COL4A1: variants seen among roughly 807,000 people sequenced by gnomAD.
COL4A1 encodes the protein collagen alpha-1(IV) chain.
In COL4A1, 40 loss-of-function variants were observed where a neutral mutation model predicts 216.6. The observed-to-expected ratio is 0.18, with a 90% CI of 0.14 to 0.24. The LOEUF (loss-of-function observed/expected upper bound fraction) is 0.24. Ranked by LOEUF, COL4A1 falls within the 10% of genes least tolerant of loss-of-function variation. COL4A1 has a pLI of 1.00. For missense variants in COL4A1, 1,628 were observed against 2,196.8 expected, an observed-to-expected ratio of 0.74 and a Z score of 5.18; for synonymous variants, 839 against 810.7, an observed-to-expected ratio of 1.03 and a Z score of -0.59.
chr13:110,262,984 A>C (rs202118448), intron 1 of COL4A1, among the ~76,000 whole-genome samples: 2 of 152,332 alleles, frequency 1.3e-5, no homozygotes, highest in East Asian at 3.9e-4. Flanking sequence ...AGAGTTGGAC[A>C]CCATAAATTG....
chr13:110,251,330 G>C (rs1882063544), intron 1 of COL4A1, among the ~76,000 whole-genome samples: 1 of 152,240 alleles, frequency 6.6e-6, no homozygotes, highest in African/African-American at 2.4e-5. Flanking sequence ...ACAGCCCCAA[G>C]GCCCCATGCC....
Position 110,174,781 on chromosome 13 carries a change from C to T in COL4A1, c.3199-32G>A, listed in dbSNP as rs9583464. On this transcript the variant is annotated intron_variant, in intron 37 of 51. Transcript: ENST00000375820. The stretch of plus-strand genomic sequence containing the variant: ...GTAAAAGTCAGGCATATTAACTTTA[C>T]ATTTGTCCATGGGCATGCATCTGTA... The T allele has an allele frequency of 5.9e-5, 94 of 1,605,636 alleles. No homozygotes were observed. In the Admixed American group the frequency reaches 7.2e-4, roughly 12 times the overall value.
At chr13:110,265,775 C>G (rs563998881) in intron 1 of COL4A1, 2 of 152,166 alleles carry the variant, frequency 1.3e-5, no homozygotes, top group Non-Finnish European at 2.9e-5. Context: ...GGGAGCTGCC[C>G]GTAGAATACA....
rs1877130444 is a variant in COL4A1, at chr13:110,162,453, G to A, written c.4250-11C>T. 4.4e-6 allele frequency: 7 copies of A among 1,605,166 alleles called. 1 individual carries two copies. The South Asian group carries it at 7.7e-5, about 18-fold the overall frequency. On this transcript the variant is annotated splice_polypyrimidine_tract_variant and intron_variant, in intron 47 of 51. Transcript: ENST00000375820. Reference sequence around the variant, plus strand: ...GAAATCCTCTTGGACCTGGAAGATAGGAGACAAATTAGTTTCCCTAATTAC... The same window carrying A: ...GAAATCCTCTTGGACCTGGAAGATAAGAGACAAATTAGTTTCCCTAATTAC...
chr13:110,286,156 A>C (rs1883837303), intron 1 of COL4A1, among the ~76,000 whole-genome samples: 1 of 152,194 alleles, frequency 6.6e-6, no homozygotes, highest in Admixed American at 6.5e-5. Flanking sequence ...TACTGACAAG[A>C]CCAAGAACGA....
chr13:110,265,913 C>G (rs984718086), intron 1 of COL4A1: 1 of 152,318 alleles, frequency 6.6e-6, no homozygotes, highest in Admixed American at 6.5e-5. Context: ...TGCGCATCTC[C>G]CCAGACTCCA....
chr13:110,158,177 G>A (rs569677964), intron 49 of COL4A1, among the ~76,000 whole-genome samples: 30 of 152,112 alleles, frequency 2.0e-4, no homozygotes, highest in African/African-American at 7.2e-4. Flanking sequence ...TGCCATTCTG[G>A]AAGTGTAATG....
At position 110,192,247 on chromosome 13, in the gene COL4A1, A is replaced by T. The variant is rs1378977057; in HGVS notation, c.1503T>A (p.Gly501=). 2 of 1,614,140 alleles carry T rather than the reference A, an allele frequency of 1.2e-6. No individual in the cohort carries two copies. The highest frequency in any genetic ancestry group is 1.7e-6 in the Non-Finnish European group (2 of 1,180,024). Residue 501 remains glycine (G), a synonymous_variant, in exon 24 of 52, where the codon GGT becomes GGA. Coordinates refer to ENST00000375820, the MANE Select transcript of COL4A1 (RefSeq NM_001845.6). ...CTGCAACACCATCTCTGCCAGGCAA[A>T]CCTCTGTCGCCCTTGGCCCCTGGCT... is the stretch of plus-strand genomic sequence containing the variant. ...PGQPGAKGDR[G]LPGRDGVAGV... is the part of the protein sequence containing the mutation.
At chr13:110,214,248 G>A (rs1375237365) in intron 2 of COL4A1, among the ~76,000 whole-genome samples, 3 of 151,944 alleles carry the variant, frequency 2.0e-5, no homozygotes, top group South Asian at 2.1e-4. Context: ...GCGCCACCAC[G>A]CTGGCTAATT....
intron 24 of COL4A1, among the ~76,000 whole-genome samples, chr13:110,188,986 AT>A (rs1314211345): frequency 7.0e-6 from 1 of 141,872 alleles, no homozygotes; most frequent in African/African-American, 2.5e-5. Context: ...GGAAAGTTAA[AT>A]TAAATAACAC....
intron 1 of COL4A1, among the ~76,000 whole-genome samples, chr13:110,296,802 C>T (rs1456705805): frequency 6.6e-6 from 1 of 152,228 alleles, no homozygotes; most frequent in Non-Finnish European, 1.5e-5. Flanking sequence ...TTTCCATGAA[C>T]CCCTCCTGGG....
Position 110,183,297 on chromosome 13 carries a change from A to C in COL4A1, c.1898-21T>G, listed in dbSNP as rs774957486. The C allele has an allele frequency of 2.5e-6, 4 of 1,606,428 alleles. No homozygotes were observed. In the Admixed American group the frequency reaches 6.7e-5, roughly 27 times the overall value. ...TGGACCTAGAGGAAAAAAAGAGCAA[A>C]GACAAACGATGAAGGAATGAGGACC... On this transcript the variant is annotated intron_variant, in intron 26 of 51. Coordinates refer to ENST00000375820, the MANE Select transcript of COL4A1 (RefSeq NM_001845.6).
At chr13:110,243,796 C>T (rs1881669385) in intron 1 of COL4A1, among the ~76,000 whole-genome samples, 1 of 152,210 alleles carries the variant, frequency 6.6e-6, no homozygotes, top group South Asian at 2.1e-4. Context: ...ATAGGTAGTG[C>T]CATCCCCATT....
chr13:110,172,674 C>A, intron 41 of COL4A1, 46 bp downstream of exon 41: 1 of 1,573,276 alleles, frequency 6.4e-7, no homozygotes. Flanking sequence ...GCTAATCAGG[C>A]AGCAGCGGTT....
intron 1 of COL4A1, among the ~76,000 whole-genome samples, chr13:110,288,859 C>T (rs1358650381): frequency 2.6e-5 from 4 of 152,128 alleles, no homozygotes; most frequent in African/African-American, 9.7e-5. Context: ...TGGTGAAACC[C>T]TATCTCTACT....
chr13:110,157,275 G>A (rs540372036), intron 49 of COL4A1, among the ~76,000 whole-genome samples: 26 of 152,342 alleles, frequency 1.7e-4, no homozygotes, highest in African/African-American at 5.5e-4. Flanking sequence ...TATTTATTTC[G>A]TGAGTCTTGT....
In COL4A1 at chr13:110,186,375, C is replaced by T. The variant is rs1296685852; in HGVS notation, c.1897+10G>A. The T allele has an allele frequency of 1.9e-6, 3 of 1,612,804 alleles. No individual in the cohort carries two copies. The Admixed American group carries it at 5.0e-5, about 27-fold the overall frequency. ...ACTTCATGCTGCATCACGAGTTTCT[C>T]AGGCCTCACCTGGCAGGCCTGGGGA... On this transcript the variant is annotated intron_variant, in intron 26 of 51. Transcript: ENST00000375820.
intron 24 of COL4A1, among the ~76,000 whole-genome samples, chr13:110,189,472 C>A (rs1455051217): frequency 6.6e-6 from 1 of 152,198 alleles, no homozygotes; most frequent in Non-Finnish European, 1.5e-5. Flanking sequence ...TGGACGACTA[C>A]CAGTGGTCTG....
rs759232482 is a variant in COL4A1, at chr13:110,162,322, T to G, written c.4370A>C (p.Asp1457Ala). The stretch of plus-strand genomic sequence containing the variant: ...TTTGGTCCCAGAAGGACACTGTGGG[T>G]CATCTATTGTTTGACTATGCCTGGT... ...LVTRHSQTID[D>A]PQCPSGTKIL... is the part of the protein sequence containing the mutation. Residue 1457 changes from aspartate (D) to alanine (A), a missense_variant, in exon 48 of 52, where the codon GAC (aspartate) becomes GCC (alanine). Asp to Ala is a moderately radical substitution (Grantham distance 126). This residue lies in a region of COL4A1 where 254 missense variants were observed against 300.1 expected (regional missense o/e 0.85). Coordinates refer to ENST00000375820, the MANE Select transcript of COL4A1 (RefSeq NM_001845.6). 1 of 1,614,092 alleles carries G rather than the reference T, an allele frequency of 6.2e-7. No individual in the cohort carries two copies. Among genetic ancestry groups the G allele is most frequent in the African/African-American group, 1.3e-5 (1 of 74,936 alleles).
Sources: allele counts gnomAD v4.1 joint callset (sites outside exome capture counted in the v4.1 genomes callset), GRCh38; gene constraint gnomAD v4.1.1; regional missense constraint gnomAD v4.1.1; transcripts MANE v1.5; gene names NCBI Gene and HGNC (gene_info 2026-07-23, HGNC 2026-07-21).